DLGAP1: variants seen among roughly 807,000 people sequenced by gnomAD.
DLGAP1 encodes the protein disks large-associated protein 1.
DLGAP1 carries 11 observed loss-of-function variants against 90.8 expected under a neutral mutation model. The observed-to-expected ratio is 0.12, with a 90% CI of 0.08 to 0.20. DLGAP1 has a LOEUF of 0.20. Among genes scored for constraint, DLGAP1 ranks in the 10% least tolerant of loss-of-function variants. The pLI, the probability that DLGAP1 is intolerant of heterozygous loss-of-function variation, is 1.00. For missense variants in DLGAP1, 1,050 were observed against 1,333.8 expected (o/e 0.79, Z 3.31); for synonymous variants, 558 against 540.7 (o/e 1.03, Z -0.44).
chr18:3,698,571 G>A (rs7239897), intron 7 of DLGAP1, among the ~76,000 whole-genome samples: 23,563 of 152,120 alleles, frequency 0.15, 2,251 homozygotes, highest in East Asian at 0.45. Context: ...AGTCTGATGG[G>A]CTTCCCTTTG....
Position 4,381,258 on chromosome 18 carries a change from C to T in DLGAP1, c.-267+73748G>A, listed in dbSNP as rs896439744. 2.0e-5 allele frequency among the ~76,000 whole-genome samples: 3 copies of T among 152,096 alleles called. No individual in the cohort carries two copies. The East Asian group carries it at 5.8e-4, about 29-fold the overall frequency. On this transcript the variant is annotated intron_variant, in intron 1 of 12. Coordinates refer to ENST00000315677, the MANE Select transcript of DLGAP1 (RefSeq NM_004746.4). ...CTACAATTGTTTTCAGAGATGATTG[C>T]ATGATACATAGACAAATAGATAGAC...
rs7237720 is a variant in DLGAP1 at position 3,663,378 on chromosome 18, T to C, written c.1591+65757A>G. Among the ~76,000 whole-genome samples, 1,019 of 152,288 alleles carry C rather than the reference T, an allele frequency of 6.7e-3. 11 individuals are homozygous for C. Among genetic ancestry groups the C allele is most frequent in the African/African-American group, 0.023 (958 of 41,554 alleles). Reference sequence around the variant, plus strand: ...TTACAGAAGATGTGAATAATTTGTGTCCAGAGGCTGAAGCATGGATGACTA... The same window carrying C: ...TTACAGAAGATGTGAATAATTTGTGCCCAGAGGCTGAAGCATGGATGACTA... On this transcript the variant is annotated intron_variant, in intron 7 of 12. Coordinates refer to ENST00000315677, the MANE Select transcript of DLGAP1 (RefSeq NM_004746.4).
At chr18:3,644,837 C>T (rs2059062927) in intron 7 of DLGAP1, among the ~76,000 whole-genome samples, 1 of 151,740 alleles carries the variant, frequency 6.6e-6, no homozygotes, top group South Asian at 2.1e-4. Flanking sequence ...TATGTAGCTG[C>T]AAAACATAAC....
intron 10 of DLGAP1, among the ~76,000 whole-genome samples, chr18:3,509,459 C>T (rs906459100): frequency 1.3e-5 from 2 of 152,214 alleles, no homozygotes; most frequent in Non-Finnish European, 2.9e-5. Context: ...AGCTGCTTTC[C>T]GCTGAGCAAT....
chr18:4,127,632 A>G (rs1043540368), intron 2 of DLGAP1, among the ~76,000 whole-genome samples: 6 of 152,342 alleles, frequency 3.9e-5, no homozygotes, highest in South Asian at 2.1e-4. Flanking sequence ...TCTGAAAAAC[A>G]TAACTCAGCA....
intron 3 of DLGAP1, among the ~76,000 whole-genome samples, chr18:3,973,597 G>A (rs2073502334): frequency 6.6e-6 from 1 of 152,156 alleles, no homozygotes; most frequent in Admixed American, 6.5e-5. Flanking sequence ...ATTCTAACTC[G>A]ACTACATTTC....
At chr18:4,381,128 G>A (rs2082107416) in intron 1 of DLGAP1, among the ~76,000 whole-genome samples, 1 of 152,302 alleles carries the variant, frequency 6.6e-6, no homozygotes, top group South Asian at 2.1e-4. Flanking sequence ...GGTTGAAATA[G>A]AGATGATGAA....
At chr18:3,991,328 A>G (rs141649702) in intron 3 of DLGAP1, among the ~76,000 whole-genome samples, 112 of 152,322 alleles carry the variant, frequency 7.4e-4, no homozygotes, top group African/African-American at 2.6e-3. Flanking sequence ...ATTTGTATTT[A>G]CTCATCTCTC....
At chr18:4,432,428 A>G (rs1281402433) in intron 1 of DLGAP1, among the ~76,000 whole-genome samples, 1 of 152,146 alleles carries the variant, frequency 6.6e-6, no homozygotes, top group Non-Finnish European at 1.5e-5. Flanking sequence ...ATTTTAAATT[A>G]CAAAAAAAAC....
chr18:4,013,113 C>A (rs1000390068), intron 2 of DLGAP1, among the ~76,000 whole-genome samples: 2 of 152,116 alleles, frequency 1.3e-5, no homozygotes, highest in Non-Finnish European at 2.9e-5. Flanking sequence ...TAAAAAAATT[C>A]TTTCTGTTTC....
intron 7 of DLGAP1, among the ~76,000 whole-genome samples, chr18:3,661,721 C>T (rs28564522): frequency 0.012 from 1,864 of 151,822 alleles, 40 homozygotes; most frequent in African/African-American, 0.043. Context: ...GGATTACAGG[C>T]GCCTGCCACC....
chr18:3,996,040 C>T (rs2074063457), intron 3 of DLGAP1, among the ~76,000 whole-genome samples: 4 of 151,728 alleles, frequency 2.6e-5, no homozygotes, highest in Admixed American at 2.6e-4. Context: ...TCTAAGTAAG[C>T]CTAATTCAAT....
intron 4 of DLGAP1, among the ~76,000 whole-genome samples, chr18:3,858,666 C>T (rs2069831466): frequency 6.6e-6 from 1 of 151,792 alleles, no homozygotes; most frequent in Non-Finnish European, 1.5e-5. Flanking sequence ...AGTTAAGAGA[C>T]TGATAAAAAT....
intron 1 of DLGAP1, among the ~76,000 whole-genome samples, chr18:4,172,010 T>C (rs563422982): frequency 6.6e-6 from 1 of 152,252 alleles, no homozygotes; most frequent in African/African-American, 2.4e-5. Context: ...GAAGATCAGA[T>C]GGAAGACAAT....
At chr18:4,080,680 AC>A (rs1568384782) in intron 2 of DLGAP1, among the ~76,000 whole-genome samples, 1 of 151,754 alleles carries the variant, frequency 6.6e-6, no homozygotes, top group East Asian at 1.9e-4. Flanking sequence ...ATAGAACAAG[AC>A]CCCCTTTGCT....
chr18:3,661,571 CTTTTTTTTTTTTTTTT>C lies in DLGAP1; in HGVS notation c.1591+67548_1591+67563del, dbSNP rs10549959. Among the ~76,000 whole-genome samples, 5 of 125,272 alleles carry C rather than the reference CTTTTTTTTTTTTTTTT, an allele frequency of 4.0e-5. No homozygotes were observed. In the Admixed American group the frequency reaches 4.3e-4, roughly 11 times the overall value. 82.2% of individuals were successfully genotyped at this position (125,272 alleles called of 152,430 possible). A position where few individuals can be genotyped will look rare whatever the true frequency, so the allele number is the denominator to read the frequency against. On this transcript the variant is annotated intron_variant, in intron 7 of 12. Coordinates refer to ENST00000315677, the MANE Select transcript of DLGAP1 (RefSeq NM_004746.4). ...AGGCAGAGGGAAGAAGCTGTAAGGT[CTTTTTTTTTTTTTTTT>C]TTTTTTTGAGACAGAGTTTCACTTT... is the stretch of plus-strand genomic sequence containing the variant.
chr18:3,503,091 A>T (rs1211950312), intron 11 of DLGAP1, among the ~76,000 whole-genome samples: 1 of 152,244 alleles, frequency 6.6e-6, no homozygotes, highest in Non-Finnish European at 1.5e-5. Context: ...AGATTAGTTT[A>T]AATATTCATG....
intron 1 of DLGAP1, among the ~76,000 whole-genome samples, chr18:4,401,943 A>G (rs1341474534): frequency 6.6e-6 from 1 of 152,204 alleles, no homozygotes; most frequent in Non-Finnish European, 1.5e-5. Flanking sequence ...ACTATATTTT[A>G]AGGCTGCAGG....
At chr18:3,531,158 C>T (rs1014394137) in intron 10 of DLGAP1, among the ~76,000 whole-genome samples, 8 of 152,106 alleles carry the variant, frequency 5.3e-5, no homozygotes, top group African/African-American at 7.2e-5. Context: ...AATTATTGGC[C>T]GGGCGCTGTG....
Sources: allele counts gnomAD v4.1 joint callset (sites outside exome capture counted in the v4.1 genomes callset), GRCh38; gene constraint gnomAD v4.1.1; transcripts MANE v1.5; gene names NCBI Gene and HGNC (gene_info 2026-07-23, HGNC 2026-07-21).